The following AKR1C3 variants were observed in gnomAD, a reference collection of about 807,000 sequenced individuals.
AKR1C3 encodes aldo-keto reductase family 1 member C3.
A neutral mutation model predicts 43.6 loss-of-function variants in AKR1C3; 48 were observed. That is an observed-to-expected ratio of 1.10 (90% CI 0.87 to 1.40). AKR1C3 has a LOEUF of 1.40. AKR1C3 is among the 40% of genes most tolerant of loss of function. The probability of loss-of-function intolerance (pLI) is 0.00; values close to 1 mark genes in which losing one functional copy is unlikely to be tolerated. For synonymous variants in AKR1C3, 162 were observed against 139.6 expected (o/e 1.16, Z -1.13); for missense variants, 482 against 391.2 (o/e 1.23, Z -1.96).
intron 1 of AKR1C3, among the ~76,000 whole-genome samples, chr10:5,063,887 C>T (rs1164162884): frequency 6.6e-6 from 1 of 151,434 alleles, no homozygotes; most frequent in Non-Finnish European, 1.5e-5. Flanking sequence ...TGAGGCAGCT[C>T]CATCACTGTG....
At chr10:5,085,499 T>C (rs1554782976) in intron 1 of AKR1C3, among the ~76,000 whole-genome samples, 1 of 151,910 alleles carries the variant, frequency 6.6e-6, no homozygotes, top group African/African-American at 2.4e-5. Context: ...TGAGGATTTT[T>C]GCATCGATTT....
intron 7 of AKR1C3, 147 bp downstream of exon 7, chr10:5,102,797 T>A (rs1156634176): frequency 6.8e-7 from 1 of 1,469,062 alleles, no homozygotes; most frequent in African/African-American, 1.4e-5. Context: ...GAGGGTTTCT[T>A]CTACTCTACC....
upstream of AKR1C3, chr10:5,093,519 A>G (rs1839140389): frequency 6.6e-6 from 1 of 152,152 alleles, no homozygotes; most frequent in Non-Finnish European, 1.5e-5. Flanking sequence ...AGGAAGGAAC[A>G]AGTGAAAACT....
chr10:5,053,841 G>A (rs1052425013), intron 1 of AKR1C3, among the ~76,000 whole-genome samples: 2 of 152,214 alleles, frequency 1.3e-5, no homozygotes, highest in Non-Finnish European at 2.9e-5. Flanking sequence ...CTTGGTAGAA[G>A]TTGTTAATTG....
chr10:5,053,999 G>T (rs1838209862), intron 1 of AKR1C3, among the ~76,000 whole-genome samples: 1 of 152,214 alleles, frequency 6.6e-6, no homozygotes, highest in African/African-American at 2.4e-5. Context: ...AAGGGGAGAA[G>T]CCATGTTGCC....
intron 1 of AKR1C3, among the ~76,000 whole-genome samples, chr10:5,058,092 T>C (rs1383833154): frequency 6.6e-6 from 1 of 152,054 alleles, no homozygotes; most frequent in Non-Finnish European, 1.5e-5. Context: ...GGTTTTGTGG[T>C]CCTTTGGAGA....
At chr10:5,095,518 G>A (rs536718860) in intron 1 of AKR1C3, among the ~76,000 whole-genome samples, 6 of 151,524 alleles carry the variant, frequency 4.0e-5, no homozygotes, top group Admixed American at 3.3e-4. Context: ...AGGAGATGGC[G>A]GGGAGACCGT....
At chr10:5,102,445 G>A (rs200323904) in intron 6 of AKR1C3, 40 bp from the exon 7 acceptor site, 10 of 1,373,062 alleles carry the variant, frequency 7.3e-6, no homozygotes, top group East Asian at 7.1e-5. Flanking sequence ...ACAAACTATC[G>A]CCAGCCTCAG....
intron 1 of AKR1C3, among the ~76,000 whole-genome samples, chr10:5,088,808 G>T (rs1324949217): frequency 6.6e-6 from 1 of 151,696 alleles, no homozygotes. Context: ...TATGCTCAAG[G>T]TTAACCTAGA....
At chr10:5,071,811 C>T (rs1438820399) in intron 1 of AKR1C3, among the ~76,000 whole-genome samples, 1 of 152,198 alleles carries the variant, frequency 6.6e-6, no homozygotes, top group Non-Finnish European at 1.5e-5. Flanking sequence ...TCACATGGCC[C>T]AAGCAGCCCC....
chr10:5,098,795 A>G lies in AKR1C3; in HGVS notation c.370-7A>G, dbSNP rs782198433. The G allele has an allele frequency of 5.0e-6, 8 of 1,612,838 alleles. No homozygotes were observed. The highest frequency in any genetic ancestry group is 2.2e-5 in the East Asian group (1 of 44,864). On this transcript the variant is annotated splice_polypyrimidine_tract_variant and splice_region_variant and intron_variant, in intron 3 of 8. Coordinates refer to ENST00000380554, the MANE Select transcript of AKR1C3 (RefSeq NM_003739.6). ...TGACATCATTAAAATGACTGCTTCT[A>G]TTTCAGCCAGGTGAGGAACTTTCAC... is the stretch of plus-strand genomic sequence containing the variant.
At chr10:5,055,627 G>C (rs1284268294) in intron 1 of AKR1C3, among the ~76,000 whole-genome samples, 1 of 152,220 alleles carries the variant, frequency 6.6e-6, no homozygotes, top group African/African-American at 2.4e-5. Flanking sequence ...TTGTGGGGTT[G>C]TCCCACGAGT....
chr10:5,077,941 A>G, intron 1 of AKR1C3: 2 of 646,318 alleles, frequency 3.1e-6, no homozygotes, highest in Non-Finnish European at 5.5e-6. Flanking sequence ...ATGAATCTTC[A>G]GCCAACAACT....
chr10:5,096,408 AGGTTCCG>A lies in AKR1C3; in HGVS notation c.85-1_90del. The A allele has an allele frequency of 6.2e-7, 1 of 1,612,510 alleles. No individual in the cohort carries two copies. Among genetic ancestry groups the A allele is most frequent in the Non-Finnish European group, 8.5e-7 (1 of 1,179,034 alleles). On this transcript the variant is annotated splice_acceptor_variant and coding_sequence_variant, in exon 2 of 9. Coordinates refer to ENST00000380554, the MANE Select transcript of AKR1C3 (RefSeq NM_003739.6). LOFTEE classifies it high-confidence loss of function. ...AGATACTACCTTTGGTTGCTCCTCC[AGGTTCCG>A]AGAAGTAAAGCTTTGGAGGTCACAA...
intron 1 of AKR1C3, among the ~76,000 whole-genome samples, chr10:5,060,685 C>T (rs1054176098): frequency 2.0e-5 from 3 of 152,198 alleles, no homozygotes; most frequent in Non-Finnish European, 1.5e-5. Context: ...TGCCATGTGC[C>T]CGCACTCCTC....
chr10:5,061,128 C>A (rs1838375058), intron 1 of AKR1C3, among the ~76,000 whole-genome samples: 1 of 152,192 alleles, frequency 6.6e-6, no homozygotes, highest in Non-Finnish European at 1.5e-5. Context: ...TCAAGTGCAG[C>A]CAGTGTGGGC....
At chr10:5,095,736 T>G (rs530815799) in intron 1 of AKR1C3, among the ~76,000 whole-genome samples, 24 of 12,580 alleles carry the variant, frequency 1.9e-3, no homozygotes, top group African/African-American at 0.016. Context: ...AACTGTACCT[T>G]AGTAAATTCT....
chr10:5,059,000 A>T (rs115210306), intron 1 of AKR1C3, among the ~76,000 whole-genome samples: 5,410 of 152,282 alleles, frequency 0.036, 121 homozygotes, highest in Middle Eastern at 0.061. Flanking sequence ...GAGGTAAGGG[A>T]TCTCCAGGGT....
chr10:5,092,234 G>T (rs185858435), upstream of AKR1C3, among the ~76,000 whole-genome samples: 1 of 152,034 alleles, frequency 6.6e-6, no homozygotes, highest in African/African-American at 2.4e-5. Flanking sequence ...TTTGTTGTTG[G>T]CTTTTAGAGT....
Sources: allele counts gnomAD v4.1 joint callset (sites outside exome capture counted in the v4.1 genomes callset), GRCh38; gene constraint gnomAD v4.1.1; transcripts MANE v1.5; gene names NCBI Gene and HGNC (gene_info 2026-07-23, HGNC 2026-07-21).